GFPT2: variants seen among roughly 807,000 people sequenced by gnomAD.
The protein encoded by GFPT2 is glutamine--fructose-6-phosphate transaminase 2.
A neutral mutation model predicts 85.6 loss-of-function variants in GFPT2; 62 were observed. That is an observed-to-expected ratio of 0.72 (90% confidence interval 0.59 to 0.90). GFPT2 has a LOEUF of 0.90. Ranked by LOEUF, GFPT2 falls within the 40% of genes least tolerant of loss-of-function variation. The pLI is 0.00. For synonymous variants in GFPT2, 368 were observed against 344.5 expected (o/e 1.07, Z -0.75); for missense variants, 788 against 893.4 (o/e 0.88, Z 1.50).
At chr5:180,341,735 G>A (rs535556466) in intron 1 of GFPT2, among the ~76,000 whole-genome samples, 1 of 152,276 alleles carries the variant, frequency 6.6e-6, no homozygotes, top group East Asian at 1.9e-4. Flanking sequence ...GGTGAGAGGA[G>A]CTGAATGTAT....
chr5:180,312,586 T>C, intron 14 of GFPT2, 42 bp from the exon 15 acceptor site: 1 of 1,047,964 alleles, frequency 9.5e-7, no homozygotes, highest in Non-Finnish European at 1.5e-6. Flanking sequence ...TATTTTCACT[T>C]TTTAAATCAA....
chr5:180,324,752 GAGC>G (rs780604335), intron 8 of GFPT2, 61 bp downstream of exon 8: 2 of 1,061,930 alleles, frequency 1.9e-6, no homozygotes, highest in Non-Finnish European at 3.0e-6. Context: ...GACTGTGCCA[GAGC>G]AGCTGCCGAG....
chr5:180,329,191 G>C (rs370952416), intron 6 of GFPT2, among the ~76,000 whole-genome samples: 1 of 152,178 alleles, frequency 6.6e-6, no homozygotes. Flanking sequence ...TGGAAGCCAC[G>C]GGCAGCCCCA....
chr5:180,338,713 CAG>C, intron 1 of GFPT2, 113 bp from the exon 2 acceptor site: 1 of 640,738 alleles, frequency 1.6e-6, no homozygotes, highest in Non-Finnish European at 2.8e-6. Context: ...CAGGGGCTTG[CAG>C]AGGTGGGTAT....
intron 1 of GFPT2, among the ~76,000 whole-genome samples, chr5:180,340,637 G>A (rs1273705842): frequency 3.3e-5 from 5 of 150,668 alleles, no homozygotes; most frequent in African/African-American, 7.4e-5. Flanking sequence ...TCAGCCTCCC[G>A]AGTAGCTGGG....
At chr5:180,347,166 C>T (rs990468650) in intron 1 of GFPT2, among the ~76,000 whole-genome samples, 3 of 152,172 alleles carry the variant, frequency 2.0e-5, no homozygotes, top group African/African-American at 4.8e-5. Flanking sequence ...CCAGGAGAGC[C>T]GAAGGCAGGA....
intron 4 of GFPT2, among the ~76,000 whole-genome samples, chr5:180,334,145 T>C (rs1195465613): frequency 3.9e-5 from 6 of 152,334 alleles, no homozygotes; most frequent in African/African-American, 9.6e-5. Flanking sequence ...GTTCAGGGCA[T>C]GAGCCAGACC....
intron 1 of GFPT2, among the ~76,000 whole-genome samples, chr5:180,340,060 T>C (rs552375954): frequency 1.3e-5 from 2 of 152,338 alleles, no homozygotes; most frequent in South Asian, 4.1e-4. Context: ...CTCACAGTTC[T>C]GGAGGCCGAG....
chr5:180,313,728 C>G lies in GFPT2; in HGVS notation c.1431+79G>C, dbSNP rs1481184798. 44 of 1,284,648 alleles carry G rather than the reference C, an allele frequency of 3.4e-5. No homozygotes were observed. The South Asian group carries it at 5.9e-4, about 17-fold the overall frequency. The allele number at this position is 1,284,648 out of a possible 1,614,324, so 79.6% of individuals were successfully genotyped here. ...AAGAAAGGCGGTGGCGCGGGCAGAG[C>G]AGGCCGGAGGAGGGCGGCCTCTGGT... On this transcript the variant is annotated intron_variant, in intron 14 of 18. Transcript: ENST00000253778.
Position 180,328,664 on chromosome 5 carries a change from C to CA in GFPT2, c.535-327_535-326insT, listed in dbSNP as rs1391492559. Reference sequence around the variant, plus strand: ...ACAGGAAATGATAGCTGGGACCAGGCTTCCCTGCCCTGCTCAGGGACAGCA... The same window carrying CA: ...ACAGGAAATGATAGCTGGGACCAGGCATTCCCTGCCCTGCTCAGGGACAGCA... On this transcript the variant is annotated intron_variant, in intron 6 of 18. Transcript: ENST00000253778. The surrounding 1 kb of genome is among the most constrained non-coding windows in gnomAD (Gnocchi z 5.4). 6.6e-6 allele frequency among the ~76,000 whole-genome samples: 1 copy of CA among 152,228 alleles called. No homozygotes were observed. The highest frequency in any genetic ancestry group is 1.5e-5 in the Non-Finnish European group (1 of 68,036).
At chr5:180,332,256 A>G (rs1230005943) in intron 4 of GFPT2, among the ~76,000 whole-genome samples, 27 of 124,146 alleles carry the variant, frequency 2.2e-4, no homozygotes, top group Middle Eastern at 3.6e-3. Flanking sequence ...CGGGGGGAGC[A>G]GGGGGATGCG....
intron 1 of GFPT2, among the ~76,000 whole-genome samples, chr5:180,339,282 G>A (rs1056884466): frequency 6.6e-6 from 1 of 151,530 alleles, no homozygotes; most frequent in African/African-American, 2.4e-5. Context: ...CGGGAGGCTG[G>A]GGCAGGAGAA....
At chr5:180,315,164 C>T (rs532314238) in intron 13 of GFPT2, among the ~76,000 whole-genome samples, 1 of 151,746 alleles carries the variant, frequency 6.6e-6, no homozygotes, top group Non-Finnish European at 1.5e-5. Context: ...ACACCGTGGT[C>T]ATACGTTTTT....
intron 17 of GFPT2, among the ~76,000 whole-genome samples, chr5:180,302,972 G>A (rs753584682): frequency 3.0e-4 from 46 of 152,142 alleles, no homozygotes; most frequent in Non-Finnish European, 5.9e-4. Context: ...GCTCACGCCT[G>A]TAATCCCAAC....
chr5:180,344,784 C>T (rs1422150626), intron 1 of GFPT2, among the ~76,000 whole-genome samples: 1 of 152,184 alleles, frequency 6.6e-6, no homozygotes, highest in Non-Finnish European at 1.5e-5. Flanking sequence ...CCTTCTTGCC[C>T]CTCGACAAGA....
At position 180,307,381 on chromosome 5, in the gene GFPT2, G is replaced by A; in HGVS notation, c.1547-78C>T. 2.1e-6 allele frequency: 3 copies of A among 1,438,098 alleles called. No homozygotes were observed. The South Asian group carries it at 3.5e-5, about 17-fold the overall frequency. The allele number at this position is 1,438,098 out of a possible 1,614,324, so 89.1% of individuals were successfully genotyped here. A position where few individuals can be genotyped will look rare whatever the true frequency, so the allele number is the denominator to read the frequency against. On this transcript the variant is annotated intron_variant, in intron 15 of 18. Coordinates refer to ENST00000253778, the MANE Select transcript of GFPT2 (RefSeq NM_005110.4). ...AATATTCATGAAGACAAATGCTGGG[G>A]TTTAAGAGGAGCTTTTGAAACCGCA...
chr5:180,321,431 G>A (rs963390091), intron 9 of GFPT2, among the ~76,000 whole-genome samples: 11 of 152,228 alleles, frequency 7.2e-5, no homozygotes, highest in Admixed American at 3.9e-4. Flanking sequence ...GGTGGACTCG[G>A]GGCCTCTGTC....
chr5:180,338,031 C>T (rs780301602), intron 2 of GFPT2, among the ~76,000 whole-genome samples: 65 of 152,200 alleles, frequency 4.3e-4, no homozygotes, highest in Non-Finnish European at 7.9e-4. Flanking sequence ...GCTGAGGAGG[C>T]TGAGGGTCGC....
intron 4 of GFPT2, 136 bp downstream of exon 4, chr5:180,335,692 T>A: frequency 1.1e-6 from 1 of 912,516 alleles, no homozygotes; most frequent in Non-Finnish European, 1.6e-6. Context: ...AGAGGGGACA[T>A]CCGCATTCTC....
Sources: gnomAD v4.1 joint callset for allele counts (sites outside exome capture counted in the v4.1 genomes callset) on GRCh38, gnomAD v4.1.1 for gene constraint, Gnocchi (gnomAD v3.1) non-coding constraint, MANE v1.5 for transcripts, NCBI Gene and HGNC (gene_info 2026-07-23, HGNC 2026-07-21) for gene names.